Variants in ABRAXAS1 observed in about 807,000 individuals in gnomAD.
ABRAXAS1 encodes abraxas 1, BRCA1 A complex subunit.
In ABRAXAS1, 26 loss-of-function variants were observed where a neutral mutation model predicts 38.4. The observed-to-expected ratio is 0.68, with a 90% CI of 0.50 to 0.94. ABRAXAS1 has a LOEUF of 0.94. ABRAXAS1 is among the 40% of genes least tolerant of loss of function. ABRAXAS1 has a pLI of 0.00. For synonymous variants in ABRAXAS1, 144 were observed against 165.5 expected (o/e 0.87, Z 1.00); for missense variants, 438 against 481.9 (o/e 0.91, Z 0.85).
Position 83,476,630 on chromosome 4 carries a change from C to A in ABRAXAS1, c.215+13G>T. On this transcript the variant is annotated intron_variant, in intron 3 of 8. Transcript: ENST00000321945. ...TCACAATGGATCATTTACTTACTAGCACTACTACTTACCTAAAAAGCTGAT... is the reference window on the plus strand; with the variant it reads ...TCACAATGGATCATTTACTTACTAGAACTACTACTTACCTAAAAAGCTGAT... 1 of 1,540,308 alleles carries A rather than the reference C, an allele frequency of 6.5e-7. No individual in the cohort carries two copies. The highest frequency in any genetic ancestry group is 1.7e-5 in the Admixed American group (1 of 59,472).
Position 83,459,895 on chromosome 4 carries a change from A to G in ABRAXAS1, c.*2574T>C. The G allele has an allele frequency of 9.9e-7, 1 of 1,013,310 alleles. No homozygotes were observed. Among genetic ancestry groups the G allele is most frequent in the Non-Finnish European group, 1.5e-6 (1 of 675,916 alleles). 62.8% of individuals were successfully genotyped at this position (1,013,310 alleles called of 1,614,324 possible). A position where few individuals can be genotyped will look rare whatever the true frequency, so the allele number is the denominator to read the frequency against. On this transcript the variant is annotated 3_prime_UTR_variant, in exon 9 of 9. Transcript: ENST00000321945. ...AACTCAAATTTTCAAATTGTGCTAT[A>G]AATTACTACTAGATCAGATACTACA...
intron 7 of ABRAXAS1, among the ~76,000 whole-genome samples, chr4:83,464,822 G>C (rs1722286589): frequency 6.6e-6 from 1 of 152,180 alleles, no homozygotes; most frequent in South Asian, 2.1e-4. Context: ...AAACAAAAAG[G>C]TCTGGAAGGA....
intron 7 of ABRAXAS1, among the ~76,000 whole-genome samples, chr4:83,465,921 G>A (rs185558324): frequency 9.8e-5 from 15 of 152,290 alleles, no homozygotes; most frequent in African/African-American, 3.1e-4. Flanking sequence ...TGATGAGTGT[G>A]GTGGCCATGG....
At chr4:83,482,267 T>C (rs1723024194) in intron 1 of ABRAXAS1, 23 bp from the exon 2 acceptor site, 1 of 1,393,800 alleles carries the variant, frequency 7.2e-7, no homozygotes, top group Non-Finnish European at 1.0e-6. Flanking sequence ...AGAGGCAATA[T>C]ATAGAATACA....
At chr4:83,473,254 TGG>T (rs1722646813) in intron 3 of ABRAXAS1, among the ~76,000 whole-genome samples, 2 of 152,164 alleles carry the variant, frequency 1.3e-5, no homozygotes, top group African/African-American at 2.4e-5. Flanking sequence ...CACTCCAGGC[TGG>T]GCAACAGAGC....
In ABRAXAS1 at chr4:83,460,669, T is replaced by TA; in HGVS notation, c.*1799_*1800insT. On this transcript the variant is annotated 3_prime_UTR_variant, in exon 9 of 9. Transcript: ENST00000321945. ...CTGTAATCCCAGCACTTTGGGAGGC[T>TA]GAGGTGGGCAGATCACCTGAGGCCA... 3.4e-6 allele frequency: 1 copy of TA among 294,396 alleles called. No homozygotes were observed. The highest frequency in any genetic ancestry group is 6.5e-6 in the Non-Finnish European group (1 of 154,570). The allele number at this position is 294,396 out of a possible 1,614,324, so 18.2% of individuals were successfully genotyped here. A position where few individuals can be genotyped will look rare whatever the true frequency, so the allele number is the denominator to read the frequency against.
At chr4:83,473,374 A>G (rs1432486614) in intron 3 of ABRAXAS1, among the ~76,000 whole-genome samples, 3 of 152,184 alleles carry the variant, frequency 2.0e-5, no homozygotes, top group African/African-American at 4.8e-5. Flanking sequence ...ATATTTCCCT[A>G]GAATGGTCCA....
intron 7 of ABRAXAS1, among the ~76,000 whole-genome samples, chr4:83,464,577 C>G (rs2110034914): frequency 6.6e-6 from 1 of 152,266 alleles, no homozygotes; most frequent in Middle Eastern, 3.4e-3. Context: ...TTAGTGGACA[C>G]TTTTTAGGAT....
Position 83,460,946 on chromosome 4 carries a change from T to A in ABRAXAS1, c.*1523A>T. 1 of 1,577,824 alleles carries A rather than the reference T, an allele frequency of 6.3e-7. No individual in the cohort carries two copies. Among genetic ancestry groups the A allele is most frequent in the Non-Finnish European group, 8.6e-7 (1 of 1,166,206 alleles). The stretch of plus-strand genomic sequence containing the variant: ...AAACTTTAAATATTGACATTTTTTA[T>A]GAATAAGAAAGCTTTTTATTTTACA... On this transcript the variant is annotated 3_prime_UTR_variant, in exon 9 of 9. Transcript: ENST00000321945.
intron 8 of ABRAXAS1, 91 bp from the exon 9 acceptor site, chr4:83,462,993 G>T: frequency 1.2e-6 from 1 of 847,402 alleles, no homozygotes; most frequent in Non-Finnish European, 1.8e-6. Flanking sequence ...AAGTCAAAAA[G>T]ATTTTAACAG....
At chr4:83,482,677 T>C (rs375548318) in intron 1 of ABRAXAS1, among the ~76,000 whole-genome samples, 39 of 152,072 alleles carry the variant, frequency 2.6e-4, no homozygotes, top group African/African-American at 8.0e-4. Flanking sequence ...GCCCAGGCGA[T>C]AGAGTGAGAC....
rs772212241 is a variant in ABRAXAS1 at position 83,469,046 on chromosome 4, T to C, written c.582A>G (p.Ala194=). 3 of 1,613,144 alleles carry C rather than the reference T, an allele frequency of 1.9e-6. No individual in the cohort carries two copies. The highest frequency in any genetic ancestry group is 2.5e-6 in the Non-Finnish European group (3 of 1,180,006). The change falls in exon 6 of 9, where the codon GCA becomes GCG. Residue 194 remains alanine, a synonymous_variant. Coordinates refer to ENST00000321945, the MANE Select transcript of ABRAXAS1 (RefSeq NM_139076.3). ...GSCMSTGFSR[A]VQTHSSKFFE... is the part of the protein sequence containing the mutation. ...TTGAATCTTACCTGTGTGTTTGTAC[T>C]GCTCGGCTAAAACCAGTGGACATAC...
intron 1 of ABRAXAS1, chr4:83,484,255 T>G: frequency 1.0e-6 from 1 of 964,932 alleles, no homozygotes; most frequent in Non-Finnish European, 1.2e-6. Context: ...CAGGGTATTC[T>G]CCGAACTGTA....
chr4:83,471,191 C>CTT (rs869128932), intron 4 of ABRAXAS1, among the ~76,000 whole-genome samples: 2,162 of 58,030 alleles, frequency 0.037, 294 homozygotes, highest in Non-Finnish European at 0.061. Context: ...AAAGAAACAT[C>CTT]TTTTTTTTTT....
rs1412096015 is a variant in ABRAXAS1, at chr4:83,470,248, C to T, written c.431G>A (p.Cys144Tyr). The T allele has an allele frequency of 1.2e-6, 2 of 1,613,662 alleles. No homozygotes were observed. Among genetic ancestry groups the T allele is most frequent in the South Asian group, 1.1e-5 (1 of 91,044 alleles). ...GGAATGTTCCAGTCGATGAGTAGAG[C>T]AGCTTTCTGTTATTATACTTGGTGT... ...LLTPSIITESCSTHRLEHSLY... is the reference protein window; with the variant it reads ...LLTPSIITESYSTHRLEHSLY... Residue 144 changes from cysteine to tyrosine, a missense_variant, in exon 5 of 9, where the codon TGC becomes TAC. Transcript: ENST00000321945.
chr4:83,463,822 G>A (rs915544281), intron 7 of ABRAXAS1: 7 of 329,580 alleles, frequency 2.1e-5, no homozygotes, highest in South Asian at 2.5e-4. Context: ...TTTTTCACAT[G>A]TAACTTCTCA....
At chr4:83,464,413 C>T (rs1407453196) in intron 7 of ABRAXAS1, among the ~76,000 whole-genome samples, 2 of 151,978 alleles carry the variant, frequency 1.3e-5, no homozygotes, top group African/African-American at 4.8e-5. Context: ...ACTTTTGATG[C>T]CATAATTCCA....
chr4:83,472,070 A>G, intron 4 of ABRAXAS1, 152 bp downstream of exon 4: 1 of 442,650 alleles, frequency 2.3e-6, no homozygotes, highest in East Asian at 4.0e-5. Context: ...ACCACTTTCA[A>G]TTTCTGGGAA....
chr4:83,475,355 T>C lies in ABRAXAS1; in HGVS notation c.215+1288A>G, dbSNP rs189770423. ...CTTTTTTCTGTTCTCCTCCTACAGTTAGTTCTCACCTTAACCATATGCTCC... is the reference window on the plus strand; with the variant it reads ...CTTTTTTCTGTTCTCCTCCTACAGTCAGTTCTCACCTTAACCATATGCTCC... On this transcript the variant is annotated intron_variant, in intron 3 of 8. Transcript: ENST00000321945. Among the ~76,000 whole-genome samples the C allele has an allele frequency of 5.3e-5, 8 of 152,344 alleles. No homozygotes were observed. In the East Asian group the frequency reaches 1.5e-3, roughly 29 times the overall value.
Sources: gnomAD v4.1 joint callset for allele counts (sites outside exome capture counted in the v4.1 genomes callset) on GRCh38, gnomAD v4.1.1 for gene constraint, MANE v1.5 for transcripts, NCBI Gene and HGNC (gene_info 2026-07-23, HGNC 2026-07-21) for gene names.